The following DLGAP1 variants were observed in gnomAD, a reference collection of about 807,000 sequenced individuals.
DLGAP1 encodes the protein DLG associated protein 1.
A neutral mutation model predicts 90.8 loss-of-function variants in DLGAP1; 11 were observed. The observed-to-expected ratio is 0.12, with a 90% confidence interval of 0.08 to 0.20. The LOEUF (loss-of-function observed/expected upper bound fraction) is 0.20, where lower values mean the gene tolerates loss of function less well. Among genes scored for constraint, DLGAP1 ranks in the 10% least tolerant of loss-of-function variants. DLGAP1 has a pLI of 1.00. For missense variants in DLGAP1, 1,050 were observed against 1,333.8 expected (o/e 0.79, Z 3.31); for synonymous variants, 558 against 540.7 (o/e 1.03, Z -0.44).
At chr18:3,674,398 C>T (rs1239977406) in intron 7 of DLGAP1, among the ~76,000 whole-genome samples, 1 of 151,224 alleles carries the variant, frequency 6.6e-6, no homozygotes, top group Non-Finnish European at 1.5e-5. Context: ...GTGAGACAAT[C>T]ATTTGAGGCC....
At chr18:4,323,371 T>A (rs2080743116) in intron 1 of DLGAP1, among the ~76,000 whole-genome samples, 1 of 152,138 alleles carries the variant, frequency 6.6e-6, no homozygotes, top group African/African-American at 2.4e-5. Flanking sequence ...GAAACCAGTA[T>A]GGAGGTTTCT....
At chr18:4,249,410 C>T (rs1015126995) in intron 1 of DLGAP1, among the ~76,000 whole-genome samples, 1 of 144,184 alleles carries the variant, frequency 6.9e-6, no homozygotes, top group Non-Finnish European at 1.5e-5. Context: ...CTAAGGATCC[C>T]AGCAAGTTAA....
chr18:4,017,005 T>C (rs549420516), intron 2 of DLGAP1, among the ~76,000 whole-genome samples: 1 of 152,260 alleles, frequency 6.6e-6, no homozygotes, highest in South Asian at 2.1e-4. Context: ...CAGCCCCTCA[T>C]CTCCCCAGCA....
chr18:3,719,574 A>G (rs940173549), intron 7 of DLGAP1, among the ~76,000 whole-genome samples: 3 of 151,074 alleles, frequency 2.0e-5, no homozygotes, highest in Non-Finnish European at 4.4e-5. Flanking sequence ...AAAAAAAAAA[A>G]AAAAGAAAGA....
At chr18:3,507,116 A>G (rs2050271632) in intron 11 of DLGAP1, among the ~76,000 whole-genome samples, 1 of 152,078 alleles carries the variant, frequency 6.6e-6, no homozygotes, top group Non-Finnish European at 1.5e-5. Flanking sequence ...TCCATACTTT[A>G]TATTTTCTCT....
chr18:4,363,956 C>T (rs1478451328), intron 1 of DLGAP1, among the ~76,000 whole-genome samples: 4 of 151,866 alleles, frequency 2.6e-5, no homozygotes, highest in East Asian at 1.9e-4. Context: ...CATATGCACA[C>T]GTATGTTTAT....
chr18:3,549,845 C>T (rs2053278364), intron 9 of DLGAP1, among the ~76,000 whole-genome samples: 1 of 152,124 alleles, frequency 6.6e-6, no homozygotes. Context: ...GAAGTCCTAA[C>T]ACCTAGTATC....
intron 10 of DLGAP1, among the ~76,000 whole-genome samples, chr18:3,515,777 CAAAA>C (rs55680550): frequency 0.072 from 6,686 of 93,482 alleles, 194 homozygotes; most frequent in Admixed American, 0.1. Context: ...GACCCTGTCT[CAAAA>C]AAAAAAAAAA....
chr18:3,601,872 G>A (rs375680214), intron 7 of DLGAP1, among the ~76,000 whole-genome samples: 2 of 103,032 alleles, frequency 1.9e-5, no homozygotes, highest in Non-Finnish European at 4.0e-5. Flanking sequence ...AGCTGGGCGT[G>A]GTGGCGAGTA....
At chr18:4,126,429 C>T (rs1328158418) in intron 2 of DLGAP1, among the ~76,000 whole-genome samples, 1 of 152,172 alleles carries the variant, frequency 6.6e-6, no homozygotes, top group African/African-American at 2.4e-5. Flanking sequence ...CAATATCATG[C>T]ACAAATGCAC....
intron 6 of DLGAP1, among the ~76,000 whole-genome samples, chr18:3,741,878 T>G (rs989986178): frequency 2.6e-5 from 4 of 151,794 alleles, no homozygotes; most frequent in African/African-American, 9.7e-5. Context: ...AGTCTTGCTA[T>G]GTCGCCCAGG....
intron 7 of DLGAP1, among the ~76,000 whole-genome samples, chr18:3,629,536 T>G (rs917491084): frequency 5.5e-4 from 84 of 151,628 alleles, no homozygotes; most frequent in Non-Finnish European, 6.9e-4. Flanking sequence ...GCCGGGCGTG[T>G]TGGTGGGCGC....
chr18:4,105,995 G>A (rs2075857978), intron 2 of DLGAP1, among the ~76,000 whole-genome samples: 2 of 128,896 alleles, frequency 1.6e-5, no homozygotes, highest in Non-Finnish European at 3.1e-5. Flanking sequence ...TCGCGCCACT[G>A]CACTCCAGCC....
At chr18:4,429,093 C>T (rs933358094) in intron 1 of DLGAP1, among the ~76,000 whole-genome samples, 5 of 152,174 alleles carry the variant, frequency 3.3e-5, no homozygotes, top group Non-Finnish European at 7.3e-5. Flanking sequence ...GTGTTATTAC[C>T]TCTATAATAC....
intron 1 of DLGAP1, among the ~76,000 whole-genome samples, chr18:4,234,738 T>C (rs1407953612): frequency 6.6e-6 from 1 of 152,202 alleles, no homozygotes. Context: ...TTATATACTA[T>C]GTCAACTCTC....
intron 1 of DLGAP1, among the ~76,000 whole-genome samples, chr18:4,439,853 T>A (rs1457795618): frequency 6.6e-6 from 1 of 152,062 alleles, no homozygotes; most frequent in Non-Finnish European, 1.5e-5. Flanking sequence ...GCGCAGTGGC[T>A]CACGCCTGTA....
intron 1 of DLGAP1, among the ~76,000 whole-genome samples, chr18:4,302,018 T>A (rs546683808): frequency 1.3e-5 from 2 of 152,300 alleles, no homozygotes; most frequent in East Asian, 3.9e-4. Flanking sequence ...TGTTTGAGTT[T>A]CTTATATATA....
chr18:3,743,705 C>G (rs2063154023), intron 5 of DLGAP1, among the ~76,000 whole-genome samples: 1 of 152,058 alleles, frequency 6.6e-6, no homozygotes, highest in Admixed American at 6.5e-5. Flanking sequence ...GGCTGGAGTG[C>G]AGTGGCATGA....
intron 4 of DLGAP1, chr18:3,845,354 T>A (rs1251481442): frequency 1.3e-6 from 2 of 1,553,130 alleles, no homozygotes; most frequent in Non-Finnish European, 8.8e-7. Context: ...TTGCCGATTC[T>A]AAGTGGTTGA....
Sources: allele counts gnomAD v4.1 joint callset (sites outside exome capture counted in the v4.1 genomes callset), GRCh38; gene constraint gnomAD v4.1.1; transcripts MANE v1.5; gene names NCBI Gene and HGNC (gene_info 2026-07-23, HGNC 2026-07-21).